ATP11B: variants seen among roughly 807,000 people sequenced by gnomAD.
The protein encoded by ATP11B is ATPase phospholipid transporting 11B (putative), also known as phospholipid-transporting ATPase IF.
ATP11B carries 81 observed loss-of-function variants against 157.8 expected under a neutral mutation model. The ratio of observed to expected loss-of-function variants is 0.51; its 90% CI spans 0.43 to 0.62. ATP11B has a LOEUF of 0.62. Among genes scored for constraint, ATP11B ranks in the 20% least tolerant of loss-of-function variants. ATP11B has a pLI of 0.00. For missense variants in ATP11B, 1,165 were observed against 1,402.2 expected (o/e 0.83, Z 2.70); for synonymous variants, 451 against 469.4 (o/e 0.96, Z 0.51).
At chr3:182,794,016 G>A (rs1454920704) in intron 1 of ATP11B, among the ~76,000 whole-genome samples, 1 of 152,054 alleles carries the variant, frequency 6.6e-6, no homozygotes, top group African/African-American at 2.4e-5. Flanking sequence ...GCGGCCGGAG[G>A]CGGCCGCTTC....
chr3:182,847,883 A>G (rs1215269043), intron 9 of ATP11B, among the ~76,000 whole-genome samples: 1 of 152,156 alleles, frequency 6.6e-6, no homozygotes. Context: ...ACCTAATTCC[A>G]TTTGTTGTCC....
chr3:182,874,605 T>C (rs888855569), intron 19 of ATP11B, among the ~76,000 whole-genome samples: 1 of 152,198 alleles, frequency 6.6e-6, no homozygotes, highest in Admixed American at 6.5e-5. Context: ...TGCTACCTGT[T>C]TGAAAAGACA....
At chr3:182,911,274 C>CCCCG (rs1553826092) in intron 28 of ATP11B, among the ~76,000 whole-genome samples, 2 of 120,826 alleles carry the variant, frequency 1.7e-5, no homozygotes, top group African/African-American at 3.3e-5. Flanking sequence ...TTGAAATGCC[C>CCCCG]CCCCCCGCTA....
chr3:182,793,964 C>G (rs1184745867), intron 1 of ATP11B, among the ~76,000 whole-genome samples, 178 bp downstream of exon 1: 1 of 151,932 alleles, frequency 6.6e-6, no homozygotes, highest in Admixed American at 6.6e-5. Context: ...GGCTCCCGGG[C>G]TCGTCTCGCC....
chr3:182,895,659 A>C (rs1255442420), intron 25 of ATP11B, among the ~76,000 whole-genome samples: 2 of 152,202 alleles, frequency 1.3e-5, no homozygotes, highest in African/African-American at 4.8e-5. Context: ...GCTCAACAGC[A>C]TGCAGGCTTT....
In ATP11B at chr3:182,918,279, C is replaced by T; in HGVS notation, c.*175C>T. On this transcript the variant is annotated 3_prime_UTR_variant, in exon 30 of 30. Coordinates refer to ENST00000323116, the MANE Select transcript of ATP11B (RefSeq NM_014616.3). ...AGAAAGCATTAGTACAAGCCCCTCC[C>T]AACACCCTTAATTTGAATCTGAACA... 3 of 765,960 alleles carry T rather than the reference C, an allele frequency of 3.9e-6. No individual in the cohort carries two copies. Among genetic ancestry groups the T allele is most frequent in the Non-Finnish European group, 5.7e-6 (3 of 528,886 alleles). The allele number at this position is 765,960 out of a possible 1,614,324, so 47.4% of individuals were successfully genotyped here.
chr3:182,901,572 T>C (rs1723970899), intron 28 of ATP11B, among the ~76,000 whole-genome samples: 1 of 152,182 alleles, frequency 6.6e-6, no homozygotes, highest in Non-Finnish European at 1.5e-5. Flanking sequence ...ATTTTCAGAT[T>C]GGAGATACTC....
chr3:182,818,843 T>A (rs186796489), intron 1 of ATP11B, among the ~76,000 whole-genome samples: 49 of 151,492 alleles, frequency 3.2e-4, no homozygotes, highest in African/African-American at 1.2e-3. Context: ...CATCATAGCT[T>A]ATGAATACCC....
intron 18 of ATP11B, among the ~76,000 whole-genome samples, chr3:182,872,959 C>T (rs1721773229): frequency 6.6e-6 from 1 of 152,194 alleles, no homozygotes; most frequent in African/African-American, 2.4e-5. Context: ...GGTGATTCTT[C>T]CCTTCACCAT....
At chr3:182,848,434 C>A in intron 9 of ATP11B, 42 bp from the exon 10 acceptor site, 2 of 1,094,836 alleles carry the variant, frequency 1.8e-6, no homozygotes, top group Non-Finnish European at 1.3e-6. Flanking sequence ...GTGAAACATG[C>A]TAGAGGATTA....
chr3:182,862,386 A>T (rs1720910243), intron 12 of ATP11B, among the ~76,000 whole-genome samples: 1 of 152,052 alleles, frequency 6.6e-6, no homozygotes, highest in South Asian at 2.1e-4. Context: ...AGCAGGTAAT[A>T]TTTCTGCTGC....
chr3:182,897,365 AT>A lies in ATP11B; in HGVS notation c.3115del (p.Tyr1039IlefsTer38). The A allele has an allele frequency of 6.3e-7, 1 of 1,592,080 alleles. No homozygotes were observed. Among genetic ancestry groups the A allele is most frequent in the Non-Finnish European group, 8.5e-7 (1 of 1,173,506 alleles). ...NHLVTWGSII[F>X]YFVFSLFYGG... The stretch of plus-strand genomic sequence containing the variant: ...ATCTCGTTACCTGGGGATCTATTAT[AT>A]TTTATTTTGTATTTTCCTTGTTTTA... On this transcript the variant is annotated frameshift_variant, in exon 27 of 30. Coordinates refer to ENST00000323116, the MANE Select transcript of ATP11B (RefSeq NM_014616.3). LOFTEE classifies it high-confidence loss of function.
chr3:182,871,750 G>A (rs1031755867), intron 17 of ATP11B, among the ~76,000 whole-genome samples: 3 of 151,980 alleles, frequency 2.0e-5, no homozygotes, highest in Non-Finnish European at 2.9e-5. Flanking sequence ...ACCACTAATA[G>A]GATAGTCTTT....
intron 27 of ATP11B, 93 bp from the exon 28 acceptor site, chr3:182,898,514 A>G (rs1723721385): frequency 2.2e-6 from 2 of 907,564 alleles, no homozygotes; most frequent in Non-Finnish European, 3.1e-6. Flanking sequence ...TTCTTGGAGT[A>G]CTTGTTACTT....
intron 2 of ATP11B, among the ~76,000 whole-genome samples, chr3:182,824,353 G>A (rs986142306): frequency 6.6e-6 from 1 of 152,068 alleles, no homozygotes; most frequent in Non-Finnish European, 1.5e-5. Context: ...GTTTTCCCCA[G>A]CTGTTTTGCA....
At chr3:182,874,467 G>A (rs1262963243) in intron 19 of ATP11B, among the ~76,000 whole-genome samples, 1 of 151,898 alleles carries the variant, frequency 6.6e-6, no homozygotes, top group Non-Finnish European at 1.5e-5. Context: ...TGGCCATCAT[G>A]TCAAAACAAG....
intron 10 of ATP11B, among the ~76,000 whole-genome samples, chr3:182,856,483 C>G (rs1720413140): frequency 6.6e-6 from 1 of 152,072 alleles, no homozygotes; most frequent in African/African-American, 2.4e-5. Context: ...GGAGACATGA[C>G]TAGTTTAGTG....
chr3:182,915,574 A>G (rs1577126698), intron 29 of ATP11B: 1 of 976,272 alleles, frequency 1.0e-6, no homozygotes, highest in East Asian at 1.1e-4. Context: ...TTCTCCTTCA[A>G]TGGAAATTTC....
At position 182,887,671 on chromosome 3, in the gene ATP11B, A is replaced by T. The variant is rs200531169; in HGVS notation, c.2801A>T (p.His934Leu). The T allele has an allele frequency of 6.2e-7, 1 of 1,612,938 alleles. No individual in the cohort carries two copies. Among genetic ancestry groups the T allele is most frequent in the East Asian group, 2.2e-5 (1 of 44,746 alleles). The change falls in exon 24 of 30, where the codon CAT becomes CTT. Residue 934 changes from histidine (H) to leucine (L), a missense_variant. Transcript: ENST00000323116. ...CTGATATATAGTCTTTTGGAACAGC[A>T]TGTAGACCCTCATGTGTTACAAAAT... ...PILIYSLLEQ[H>L]VDPHVLQNKP...
Sources: allele counts gnomAD v4.1 joint callset (sites outside exome capture counted in the v4.1 genomes callset), GRCh38; gene constraint gnomAD v4.1.1; transcripts MANE v1.5; gene names NCBI Gene and HGNC (gene_info 2026-07-23, HGNC 2026-07-21).